FNTA: variants seen among roughly 807,000 people sequenced by gnomAD.
FNTA encodes the protein protein farnesyltransferase/geranylgeranyltransferase type-1 subunit alpha.
FNTA carries 27 observed loss-of-function variants against 55.2 expected under a neutral mutation model. That is an observed-to-expected ratio of 0.49 (90% CI 0.36 to 0.67). The LOEUF (loss-of-function observed/expected upper bound fraction) is 0.67, where lower values mean the gene tolerates loss of function less well. FNTA is among the 30% of genes least tolerant of loss of function. FNTA has a pLI of 0.00. For synonymous variants in FNTA, 176 were observed against 170.7 expected (o/e 1.03, Z -0.24); for missense variants, 422 against 464.7 (o/e 0.91, Z 0.85).
At chr8:43,072,120 A>C (rs939132487) in intron 4 of FNTA, 61 bp from the exon 5 acceptor site, 10 of 1,310,680 alleles carry the variant, frequency 7.6e-6, no homozygotes, top group African/African-American at 1.5e-5. Context: ...AACATGTGCA[A>C]CTGATATTTT....
intron 7 of FNTA, among the ~76,000 whole-genome samples, chr8:43,084,295 C>G (rs1239276063): frequency 2.0e-5 from 3 of 150,034 alleles, no homozygotes; most frequent in African/African-American, 2.5e-5. Context: ...TCGTGGCCCA[C>G]TGCAGTCTCG....
At position 43,067,021 on chromosome 8, in the gene FNTA, A is replaced by G. The variant is rs986928237; in HGVS notation, c.402-2534A>G. Reference sequence around the variant, plus strand: ...GCAGATCTTATCCTGTTGTAATTTGAAATAGAAACTTTTTTTTCTAAGTTT... The same window carrying G: ...GCAGATCTTATCCTGTTGTAATTTGGAATAGAAACTTTTTTTTCTAAGTTT... On this transcript the variant is annotated intron_variant, in intron 3 of 8. Coordinates refer to ENST00000302279, the MANE Select transcript of FNTA (RefSeq NM_002027.3). Among the ~76,000 whole-genome samples, 8 of 152,326 alleles carry G rather than the reference A, an allele frequency of 5.3e-5. No homozygotes were observed. In the East Asian group the frequency reaches 9.6e-4, roughly 18 times the overall value.
chr8:43,080,546 CTTAA>C (rs1811001601), intron 6 of FNTA: 1 of 152,080 alleles, frequency 6.6e-6, no homozygotes, highest in African/African-American at 2.4e-5. Flanking sequence ...GTGTGACTTG[CTTAA>C]TTGTGATAAA....
rs144755557 is a variant in FNTA, at chr8:43,058,542, C to T, written c.201-550C>T. The stretch of plus-strand genomic sequence containing the variant: ...ATGCCAGCACTTTGGGAGGCCGAGG[C>T]GGGCGGATCACCAGGTCAAGAGATT... On this transcript the variant is annotated intron_variant, in intron 1 of 8. Coordinates refer to ENST00000302279, the MANE Select transcript of FNTA (RefSeq NM_002027.3). 8.0e-3 allele frequency among the ~76,000 whole-genome samples: 1,215 copies of T among 152,148 alleles called. 19 individuals carry two copies. The highest frequency in any genetic ancestry group is 0.028 in the African/African-American group (1,148 of 41,510).
intron 4 of FNTA, among the ~76,000 whole-genome samples, chr8:43,071,050 T>A (rs1286113018): frequency 2.0e-5 from 3 of 152,224 alleles, no homozygotes; most frequent in Non-Finnish European, 4.4e-5. Context: ...TAAGACGAAT[T>A]TTTTAATTTT....
At position 43,071,710 on chromosome 8, in the gene FNTA, A is replaced by AT. The variant is rs1491049549; in HGVS notation, c.507-471_507-470insT. 1.1e-4 allele frequency among the ~76,000 whole-genome samples: 16 copies of AT among 148,372 alleles called. No homozygotes were observed. In the East Asian group the frequency reaches 2.7e-3, roughly 25 times the overall value. On this transcript the variant is annotated intron_variant, in intron 4 of 8. Transcript: ENST00000302279. ...ACTTCGTCTCAAAAAAAAAAAAAAAAACAAAAAAACTCCTCTGTTGACAAC... is the reference window on the plus strand; with the variant it reads ...ACTTCGTCTCAAAAAAAAAAAAAAAATACAAAAAAACTCCTCTGTTGACAAC...
At chr8:43,077,530 C>G (rs964127906) in intron 6 of FNTA, 166 bp downstream of exon 6, 8 of 413,118 alleles carry the variant, frequency 1.9e-5, no homozygotes, top group Non-Finnish European at 3.0e-5. Flanking sequence ...ATGTAGCATA[C>G]TTCTACTTCA....
chr8:43,057,588 G>A (rs1329551782), intron 1 of FNTA, among the ~76,000 whole-genome samples: 1 of 152,106 alleles, frequency 6.6e-6, no homozygotes, highest in Non-Finnish European at 1.5e-5. Context: ...CTGTATAATG[G>A]ACACAATTAC....
At chr8:43,084,216 CCTT>C (rs1018040423) in intron 7 of FNTA, among the ~76,000 whole-genome samples, 3 of 145,962 alleles carry the variant, frequency 2.1e-5, no homozygotes, top group East Asian at 3.9e-4. Flanking sequence ...TTGTAATTAT[CCTT>C]TTTTTTTTTT....
chr8:43,061,293 C>T (rs1349010297), intron 2 of FNTA, among the ~76,000 whole-genome samples: 1 of 152,200 alleles, frequency 6.6e-6, no homozygotes, highest in Non-Finnish European at 1.5e-5. Flanking sequence ...AGGTTAAAAG[C>T]ACAGACTTTG....
At chr8:43,073,819 A>G (rs1486250590) in intron 5 of FNTA, among the ~76,000 whole-genome samples, 1 of 151,934 alleles carries the variant, frequency 6.6e-6, no homozygotes. Flanking sequence ...TGCACAGGAC[A>G]GTCCCCCACA....
chr8:43,057,568 G>T (rs185611506), intron 1 of FNTA, among the ~76,000 whole-genome samples: 1 of 152,130 alleles, frequency 6.6e-6, no homozygotes, highest in South Asian at 2.1e-4. Context: ...GATTTCACTT[G>T]TATTTCTCCC....
chr8:43,071,694 CAA>C (rs71231890), intron 4 of FNTA, among the ~76,000 whole-genome samples: 6,597 of 73,184 alleles, frequency 0.09, 154 homozygotes, highest in South Asian at 0.16. Flanking sequence ...GACTTCGTCT[CAA>C]AAAAAAAAAA....
intron 1 of FNTA, 169 bp from the exon 2 acceptor site, chr8:43,058,923 A>AT: frequency 2.1e-6 from 1 of 486,390 alleles, no homozygotes; most frequent in Non-Finnish European, 3.6e-6. Flanking sequence ...TTTAATGTGT[A>AT]AAACATATTG....
At position 43,059,480 on chromosome 8, in the gene FNTA, G is replaced by A. The variant is rs117313686; in HGVS notation, c.286+303G>A. Among the ~76,000 whole-genome samples, 28 of 152,266 alleles carry A rather than the reference G, an allele frequency of 1.8e-4. No homozygotes were observed. The East Asian group carries it at 4.8e-3, about 26-fold the overall frequency. On this transcript the variant is annotated intron_variant, in intron 2 of 8. Transcript: ENST00000302279. ...GAGACTCCACCGCCAGGGAGATTATGCATGTACCACACAATATAAATGAGT... is the reference window on the plus strand; with the variant it reads ...GAGACTCCACCGCCAGGGAGATTATACATGTACCACACAATATAAATGAGT...
At chr8:43,080,012 C>A (rs910968771) in intron 6 of FNTA, 1 of 152,156 alleles carries the variant, frequency 6.6e-6, no homozygotes, top group African/African-American at 2.4e-5. Context: ...AATACTTGAT[C>A]AGATGAGGAG....
At chr8:43,084,599 A>G (rs1437909991) in intron 7 of FNTA, 111 bp from the exon 8 acceptor site, 13 of 779,280 alleles carry the variant, frequency 1.7e-5, no homozygotes, top group Non-Finnish European at 2.6e-5. Context: ...TTCATTCAAA[A>G]TAACTCTCCT....
Position 43,072,302 on chromosome 8 carries a change from A to C in FNTA, c.628A>C (p.Ile210Leu). ...TGCCTGGCAGCATCGACAATGGGTTATTCAGGTATTGCCTTTCTTGTACAG... is the reference window on the plus strand; with the variant it reads ...TGCCTGGCAGCATCGACAATGGGTTCTTCAGGTATTGCCTTTCTTGTACAG... ...YHAWQHRQWV[I>L]QEFKLWDNEL... Residue 210 changes from isoleucine (I) to leucine (L), a missense_variant, in exon 5 of 9, where the codon ATT (isoleucine) becomes CTT (leucine). Transcript: ENST00000302279. The C allele has an allele frequency of 6.4e-7, 1 of 1,572,776 alleles. No individual in the cohort carries two copies.
chr8:43,085,113 T>C (rs1208721396), intron 8 of FNTA, 47 bp from the exon 9 acceptor site: 4 of 1,447,660 alleles, frequency 2.8e-6, no homozygotes, highest in Admixed American at 2.2e-5. Flanking sequence ...GCATTTGCGC[T>C]TGAAATTGAA....
Sources: allele counts gnomAD v4.1 joint callset (sites outside exome capture counted in the v4.1 genomes callset), GRCh38; gene constraint gnomAD v4.1.1; transcripts MANE v1.5; gene names NCBI Gene and HGNC (gene_info 2026-07-23, HGNC 2026-07-21).